CRADD: variants seen among roughly 807,000 people sequenced by gnomAD.
CRADD encodes death domain-containing protein CRADD.
Under a neutral mutation model 15.5 loss-of-function variants are expected in CRADD, and 9 were observed. The ratio of observed to expected loss-of-function variants is 0.58; its 90% CI spans 0.35 to 1.01. The LOEUF (loss-of-function observed/expected upper bound fraction) is 1.01. Among genes scored for constraint, CRADD ranks in the 50% least tolerant of loss-of-function variants. CRADD has a pLI of 0.02. For missense variants in CRADD, 227 were observed against 250.3 expected (o/e 0.91, Z 0.63); for synonymous variants, 118 against 107.6 (o/e 1.10, Z -0.60).
At chr12:93,841,724 CA>C (rs144147702) in intron 2 of CRADD, among the ~76,000 whole-genome samples, 3,014 of 152,208 alleles carry the variant, frequency 0.02, 100 homozygotes, top group African/African-American at 0.068. Flanking sequence ...ATCAATGGAG[CA>C]TTAGTGGACT....
At chr12:93,840,577 T>G (rs1174690947) in intron 2 of CRADD, among the ~76,000 whole-genome samples, 1 of 152,096 alleles carries the variant, frequency 6.6e-6, no homozygotes, top group East Asian at 1.9e-4. Flanking sequence ...TTTTTTCTTC[T>G]TTTTTTGAGA....
At chr12:93,678,553 C>T (rs1015933642) in intron 1 of CRADD, among the ~76,000 whole-genome samples, 2 of 151,796 alleles carry the variant, frequency 1.3e-5, no homozygotes, top group Admixed American at 6.6e-5. Flanking sequence ...AAAGCAGAAA[C>T]AGAAAAGATG....
chr12:93,808,608 C>G (rs1357074794), intron 2 of CRADD, among the ~76,000 whole-genome samples: 2 of 152,098 alleles, frequency 1.3e-5, no homozygotes, highest in Non-Finnish European at 2.9e-5. Flanking sequence ...GCCAATGAGA[C>G]TAGCAGACAT....
intron 2 of CRADD, among the ~76,000 whole-genome samples, chr12:93,818,180 A>C (rs560690608): frequency 6.6e-6 from 1 of 152,336 alleles, no homozygotes; most frequent in Non-Finnish European, 1.5e-5. Flanking sequence ...GCAGGTCAGC[A>C]TATTTTTCTC....
At chr12:93,817,584 C>T (rs1021480363) in intron 2 of CRADD, among the ~76,000 whole-genome samples, 3 of 152,120 alleles carry the variant, frequency 2.0e-5, no homozygotes, top group Non-Finnish European at 4.4e-5. Flanking sequence ...CTTAGTCATC[C>T]TTCTTTTCCT....
At chr12:93,742,703 C>T (rs1956692861) in intron 2 of CRADD, among the ~76,000 whole-genome samples, 1 of 152,184 alleles carries the variant, frequency 6.6e-6, no homozygotes, top group African/African-American at 2.4e-5. Context: ...GGAAGGAACA[C>T]CGGAGAAATG....
intron 2 of CRADD, among the ~76,000 whole-genome samples, chr12:93,816,426 C>CTTTTTTGG (rs1957698598): frequency 7.5e-6 from 1 of 133,862 alleles, no homozygotes; most frequent in Non-Finnish European, 1.5e-5. Context: ...AGGGTTTCAC[C>CTTTTTTGG]ATGTTCGTCA....
At chr12:93,894,537 C>T in exon 3 of CRADD, 1 of 180,730 alleles carries the variant, frequency 5.5e-6, no homozygotes, top group Non-Finnish European at 1.2e-5. Flanking sequence ...GTCTGGAATG[C>T]CCTTTGGCAG....
At chr12:93,849,896 G>A (rs548522016) in intron 2 of CRADD, 74 bp from the exon 3 acceptor site, 14 of 892,684 alleles carry the variant, frequency 1.6e-5, no homozygotes, top group South Asian at 8.2e-5. Flanking sequence ...TTCTCCCCAC[G>A]ATTCTCATTT....
intron 2 of CRADD, among the ~76,000 whole-genome samples, chr12:93,864,422 C>A (rs1555230322): frequency 1.3e-5 from 2 of 152,158 alleles, no homozygotes; most frequent in Non-Finnish European, 2.9e-5. Flanking sequence ...AATGTCTGTG[C>A]AAGTACACCA....
At chr12:93,685,200 A>G (rs1955403171) in intron 2 of CRADD, among the ~76,000 whole-genome samples, 1 of 152,202 alleles carries the variant, frequency 6.6e-6, no homozygotes, top group Non-Finnish European at 1.5e-5. Flanking sequence ...TATGGCAAGC[A>G]AAACTTTTCT....
At chr12:93,710,784 A>T (rs1956051806) in intron 2 of CRADD, among the ~76,000 whole-genome samples, 1 of 152,162 alleles carries the variant, frequency 6.6e-6, no homozygotes, top group Non-Finnish European at 1.5e-5. Flanking sequence ...GATAGTTGGG[A>T]TGCGCAGACA....
intron 2 of CRADD, among the ~76,000 whole-genome samples, chr12:93,803,659 A>G (rs1593003306): frequency 6.6e-6 from 1 of 151,574 alleles, no homozygotes; most frequent in East Asian, 1.9e-4. Flanking sequence ...TCCAGCTGAA[A>G]TGGAAAAGAA....
At chr12:93,745,965 C>T (rs983651911) in intron 2 of CRADD, among the ~76,000 whole-genome samples, 2 of 152,156 alleles carry the variant, frequency 1.3e-5, no homozygotes, top group African/African-American at 4.8e-5. Context: ...CTATTACCAC[C>T]ACCACCTAAA....
chr12:93,837,951 G>A (rs1157591772), intron 2 of CRADD: 1 of 152,166 alleles, frequency 6.6e-6, no homozygotes, highest in East Asian at 1.9e-4. Flanking sequence ...TTCAGTGCGA[G>A]CTCAATTATT....
chr12:93,774,333 C>G (rs1957119352), intron 2 of CRADD, among the ~76,000 whole-genome samples: 1 of 151,980 alleles, frequency 6.6e-6, no homozygotes, highest in Non-Finnish European at 1.5e-5. Flanking sequence ...CTGATGGGGG[C>G]CTTGGAAGTG....
intron 2 of CRADD, among the ~76,000 whole-genome samples, chr12:93,868,861 G>A (rs376598503): frequency 1.2e-4 from 18 of 152,250 alleles, no homozygotes; most frequent in African/African-American, 3.6e-4. Context: ...CAGAGCAACT[G>A]GAAATTGAAG....
chr12:93,705,838 C>T (rs1030247891), intron 2 of CRADD, among the ~76,000 whole-genome samples: 3 of 152,278 alleles, frequency 2.0e-5, no homozygotes, highest in Admixed American at 6.5e-5. Flanking sequence ...TTTGCTTTCG[C>T]GGCATTACCA....
At chr12:93,698,190 C>T (rs1022045661) in intron 2 of CRADD, among the ~76,000 whole-genome samples, 1 of 152,116 alleles carries the variant, frequency 6.6e-6, no homozygotes, top group Non-Finnish European at 1.5e-5. Flanking sequence ...AGTGCCATAT[C>T]TTGGGCCAGT....
Sources: gnomAD v4.1 joint callset for allele counts (sites outside exome capture counted in the v4.1 genomes callset) on GRCh38, gnomAD v4.1.1 for gene constraint, MANE v1.5 for transcripts, NCBI Gene and HGNC (gene_info 2026-07-23, HGNC 2026-07-21) for gene names.